Variants in GSTCD observed in about 807,000 individuals in gnomAD.
GSTCD encodes glutathione S-transferase C-terminal domain-containing protein.
GSTCD carries 44 observed loss-of-function variants against 68.3 expected under a neutral mutation model. That is an observed-to-expected ratio of 0.64 (90% confidence interval 0.51 to 0.83). The LOEUF (loss-of-function observed/expected upper bound fraction) is 0.83, where lower values mean the gene tolerates loss of function less well. Among genes scored for constraint, GSTCD ranks in the 40% least tolerant of loss-of-function variants. The pLI is 0.00. For missense variants in GSTCD, 739 were observed against 735.9 expected (o/e 1.00, Z -0.05); for synonymous variants, 273 against 255.2 (o/e 1.07, Z -0.67).
intron 8 of GSTCD, among the ~76,000 whole-genome samples, chr4:105,829,204 A>AAG (rs1723795525): frequency 1.3e-5 from 2 of 151,686 alleles, no homozygotes; most frequent in Non-Finnish European, 1.5e-5. Context: ...AAAAAAAAAA[A>AAG]AAAGAAAGGC....
At chr4:105,803,966 G>T (rs949451468) in intron 5 of GSTCD, among the ~76,000 whole-genome samples, 1 of 151,890 alleles carries the variant, frequency 6.6e-6, no homozygotes, top group African/African-American at 2.4e-5. Context: ...ATGTACATAG[G>T]ACTTCAAAAA....
chr4:105,712,958 A>G (rs1732581732), intron 1 of GSTCD, among the ~76,000 whole-genome samples: 1 of 152,136 alleles, frequency 6.6e-6, no homozygotes, highest in Non-Finnish European at 1.5e-5. Flanking sequence ...ATCATATTTA[A>G]AGCTATGGCA....
In GSTCD at chr4:105,834,482, G is replaced by C; in HGVS notation, c.1552G>C (p.Val518Leu). 6.2e-7 allele frequency: 1 copy of C among 1,614,102 alleles called. No homozygotes were observed. Among genetic ancestry groups the C allele is most frequent in the Non-Finnish European group, 8.5e-7 (1 of 1,179,986 alleles). Reference sequence around the variant, plus strand: ...GTAGGTAGCATTGCATGCTTGTGGAGTGGCAACAGACATGGTGATTGAGCA... The same window carrying C: ...GTAGGTAGCATTGCATGCTTGTGGACTGGCAACAGACATGGTGATTGAGCA... The part of the protein sequence containing the change: ...NIGVALHACG[V>L]ATDMVIEHCI... Residue 518 changes from valine (V) to leucine (L), a missense_variant, in exon 9 of 12, where the codon GTG becomes CTG. Transcript: ENST00000515279.
intron 3 of GSTCD, among the ~76,000 whole-genome samples, chr4:105,721,762 C>A (rs1353547095): frequency 2.0e-5 from 3 of 151,940 alleles, no homozygotes; most frequent in Non-Finnish European, 4.4e-5. Context: ...CAAAGTTAAC[C>A]CCTGATGGCT....
chr4:105,725,271 G>A (rs1282803012), intron 3 of GSTCD, among the ~76,000 whole-genome samples: 2 of 152,136 alleles, frequency 1.3e-5, no homozygotes, highest in East Asian at 3.9e-4. Context: ...TTAATTCCAA[G>A]TTTTGGCAAT....
intron 3 of GSTCD, 172 bp downstream of exon 3, chr4:105,719,699 G>A: frequency 1.7e-6 from 1 of 575,044 alleles, no homozygotes; most frequent in Non-Finnish European, 3.1e-6. Flanking sequence ...CTATCTAAAA[G>A]GAAAAATGTA....
intron 9 of GSTCD, among the ~76,000 whole-genome samples, chr4:105,837,240 C>A (rs190166670): frequency 2.0e-5 from 3 of 152,126 alleles, no homozygotes; most frequent in African/African-American, 7.2e-5. Context: ...AGCCCTTATC[C>A]CACAACTACC....
chr4:105,823,620 G>A (rs928735352), intron 7 of GSTCD: 11 of 161,030 alleles, frequency 6.8e-5, no homozygotes, highest in African/African-American at 2.7e-4. Flanking sequence ...AACTTGCTGA[G>A]CATATTCTTT....
At chr4:105,823,486 T>TAA (rs1005397529) in intron 7 of GSTCD, 13 of 423,818 alleles carry the variant, frequency 3.1e-5, no homozygotes, top group Middle Eastern at 1.3e-3. Flanking sequence ...TATCAATTTT[T>TAA]AAAAGAGGTT....
intron 4 of GSTCD, 67 bp from the exon 5 acceptor site, chr4:105,729,339 A>T: frequency 2.3e-6 from 2 of 880,434 alleles, no homozygotes; most frequent in South Asian, 2.1e-5. Flanking sequence ...ATAATTTTTT[A>T]GCCTTCAATA....
intron 5 of GSTCD, among the ~76,000 whole-genome samples, chr4:105,792,555 A>G (rs1215698841): frequency 6.6e-6 from 1 of 152,070 alleles, no homozygotes; most frequent in Non-Finnish European, 1.5e-5. Flanking sequence ...GGCATATTAA[A>G]AAATACTAGA....
rs181346847 is a variant in GSTCD, at chr4:105,845,568, C to T, written c.1893C>T (p.Val631=). Residue 631 remains valine, a synonymous_variant, in exon 12 of 12, where the codon GTC becomes GTT. Coordinates refer to ENST00000515279, the MANE Select transcript of GSTCD (RefSeq NM_001370181.1). ...CCAAAAATAACATGATTGTGGGAGT[C>T]CCCATTTAAAATGAGATATTCACAT... ...CSPKNNMIVG[V]PI The T allele has an allele frequency of 1.2e-6, 2 of 1,613,910 alleles. No homozygotes were observed. The highest frequency in any genetic ancestry group is 2.2e-5 in the East Asian group (1 of 44,886).
intron 5 of GSTCD, among the ~76,000 whole-genome samples, chr4:105,745,629 A>G (rs151257270): frequency 6.6e-6 from 1 of 152,302 alleles, no homozygotes; most frequent in Non-Finnish European, 1.5e-5. Flanking sequence ...TTTTGCCTTA[A>G]GACCTAGAAC....
chr4:105,733,381 G>T (rs938689771), intron 5 of GSTCD, among the ~76,000 whole-genome samples: 5 of 152,172 alleles, frequency 3.3e-5, no homozygotes, highest in African/African-American at 1.2e-4. Context: ...CCTGTATTGG[G>T]TGCATATATA....
intron 1 of GSTCD, among the ~76,000 whole-genome samples, chr4:105,710,521 G>C (rs1022630670): frequency 6.6e-6 from 1 of 151,220 alleles, no homozygotes. Context: ...GAGCCACCGC[G>C]CCCGGCCTGT....
chr4:105,730,141 A>G (rs898983158), intron 5 of GSTCD, among the ~76,000 whole-genome samples: 1 of 152,212 alleles, frequency 6.6e-6, no homozygotes, highest in Non-Finnish European at 1.5e-5. Context: ...CCAGTCTAAC[A>G]TTGATGGACA....
chr4:105,732,090 G>T (rs995099263), intron 5 of GSTCD, among the ~76,000 whole-genome samples: 2 of 152,138 alleles, frequency 1.3e-5, no homozygotes, highest in African/African-American at 4.8e-5. Context: ...CTGGATTCGG[G>T]TTGCCAGTAT....
chr4:105,741,545 A>C (rs1021029710), intron 5 of GSTCD, among the ~76,000 whole-genome samples: 3 of 152,216 alleles, frequency 2.0e-5, no homozygotes, highest in Non-Finnish European at 4.4e-5. Context: ...GAGTTTTCTA[A>C]ATGCCACATG....
chr4:105,827,056 T>A (rs1723665690), intron 8 of GSTCD: 1 of 152,178 alleles, frequency 6.6e-6, no homozygotes, highest in African/African-American at 2.4e-5. Flanking sequence ...TGGCTGTTAA[T>A]AAGGAAATTC....
Sources: allele counts gnomAD v4.1 joint callset (sites outside exome capture counted in the v4.1 genomes callset), GRCh38; gene constraint gnomAD v4.1.1; transcripts MANE v1.5; gene names NCBI Gene and HGNC (gene_info 2026-07-23, HGNC 2026-07-21).